Variants in PCDHA9 observed in about 807,000 individuals in gnomAD.
PCDHA9 encodes protocadherin alpha-9.
In PCDHA9, 62 loss-of-function variants were observed where a neutral mutation model predicts 62.0. The observed-to-expected ratio is 1.00, with a 90% CI of 0.81 to 1.23. The LOEUF is 1.23. PCDHA9 is among the 50% of genes most tolerant of loss of function. PCDHA9 has a pLI of 0.00. For missense variants in PCDHA9, 1,205 were observed against 1,249.8 expected (o/e 0.96, Z 0.54); for synonymous variants, 557 against 567.6 (o/e 0.98, Z 0.27).
chr5:140,887,239 G>A (rs1248062448), intron 1 of PCDHA9, among the ~76,000 whole-genome samples: 2 of 151,736 alleles, frequency 1.3e-5, no homozygotes, highest in Admixed American at 6.6e-5. Context: ...TGAGACTACC[G>A]GCGCCCGCCA....
chr5:140,929,679 G>T lies in PCDHA9; in HGVS notation c.2395-49270G>T, dbSNP rs142104946. ...ATTTAAAGTGAAGAATGAAAAATAT[G>T]TAAGAGTCTGCTTTATATGAATATA... On this transcript the variant is annotated intron_variant, in intron 1 of 3. Coordinates refer to ENST00000532602, the MANE Select transcript of PCDHA9 (RefSeq NM_031857.2). 2.7e-3 allele frequency: 822 copies of T among 303,170 alleles called. 4 individuals are homozygous for T. Among genetic ancestry groups the T allele is most frequent in the African/African-American group, 0.017 (768 of 46,460 alleles). The allele number at this position is 303,170 out of a possible 1,614,324, so 18.8% of individuals were successfully genotyped here. A position where few individuals can be genotyped will look rare whatever the true frequency, so the allele number is the denominator to read the frequency against.
chr5:140,971,163 T>C (rs2096460132), intron 1 of PCDHA9, among the ~76,000 whole-genome samples: 1 of 152,180 alleles, frequency 6.6e-6, no homozygotes, highest in Non-Finnish European at 1.5e-5. Flanking sequence ...AGGCTCAGCT[T>C]TGCCACCAGC....
At chr5:140,862,490 G>A (rs1554156448) in intron 1 of PCDHA9, 5 of 385,338 alleles carry the variant, frequency 1.3e-5, no homozygotes, top group Non-Finnish European at 2.1e-5. Context: ...GTTGGTAATC[G>A]CTCGGAATGG....
intron 1 of PCDHA9, among the ~76,000 whole-genome samples, chr5:140,963,050 G>C (rs2095732681): frequency 2.6e-5 from 4 of 152,030 alleles, no homozygotes; most frequent in Admixed American, 2.6e-4. Flanking sequence ...AGTCTATAAG[G>C]GTTTCTACAT....
chr5:140,957,541 A>C (rs2153713960), intron 1 of PCDHA9, among the ~76,000 whole-genome samples: 1 of 152,298 alleles, frequency 6.6e-6, no homozygotes, highest in South Asian at 2.1e-4. Flanking sequence ...GATCTTAGAA[A>C]GTATTCTCTG....
chr5:140,874,195 A>C (rs2054770978), intron 1 of PCDHA9, among the ~76,000 whole-genome samples: 1 of 152,222 alleles, frequency 6.6e-6, no homozygotes, highest in Non-Finnish European at 1.5e-5. Flanking sequence ...GTCATATTTC[A>C]GTTGCCTTTA....
Position 140,883,704 on chromosome 5 carries a change from C to A in PCDHA9, c.2394+32815C>A, listed in dbSNP as rs782488934. The A allele has an allele frequency of 1.9e-5, 31 of 1,613,628 alleles. 1 individual carries two copies. In the Middle Eastern group the frequency reaches 5.0e-4, roughly 26 times the overall value. ...GGCTGCCACATCTTCACGGTGTCTG[C>A]TCAGGACGCGGACGCACAGGAGAAC... On this transcript the variant is annotated intron_variant, in intron 1 of 3. Transcript: ENST00000532602.
intron 1 of PCDHA9, among the ~76,000 whole-genome samples, chr5:140,946,990 C>T (rs181802680): frequency 2.6e-5 from 4 of 151,580 alleles, no homozygotes; most frequent in African/African-American, 9.7e-5. Context: ...TTTGAGTGTT[C>T]TAACTTCAAA....
intron 1 of PCDHA9, chr5:140,928,771 A>C: frequency 6.2e-7 from 1 of 1,613,998 alleles, no homozygotes; most frequent in Non-Finnish European, 8.5e-7. Context: ...AGTTCTTCCC[A>C]CTGATGCAGT....
intron 1 of PCDHA9, among the ~76,000 whole-genome samples, chr5:140,978,620 G>A (rs2096812690): frequency 6.6e-6 from 1 of 152,220 alleles, no homozygotes; most frequent in South Asian, 2.1e-4. Context: ...AGCAGTGAAA[G>A]CTTTTCCTTT....
At chr5:140,981,378 A>G (rs1386165836) in intron 2 of PCDHA9, among the ~76,000 whole-genome samples, 3 of 152,186 alleles carry the variant, frequency 2.0e-5, no homozygotes, top group Non-Finnish European at 4.4e-5. Flanking sequence ...GTTCAAGACC[A>G]GCCTGGTCAA....
At position 140,937,762 on chromosome 5, in the gene PCDHA9, A is replaced by T. The variant is rs955142751; in HGVS notation, c.2395-41187A>T. Among the ~76,000 whole-genome samples, 6 of 151,868 alleles carry T rather than the reference A, an allele frequency of 4.0e-5. No individual in the cohort carries two copies. The South Asian group carries it at 6.2e-4, about 16-fold the overall frequency. On this transcript the variant is annotated intron_variant, in intron 1 of 3. Coordinates refer to ENST00000532602, the MANE Select transcript of PCDHA9 (RefSeq NM_031857.2). ...CCCGTCTCTACTAAAAATACAAAAA[A>T]TTAGTCGGGCGTGGTGGCGGGCGTA... is the stretch of plus-strand genomic sequence containing the variant.
chr5:140,903,180 T>C (rs149488870), intron 1 of PCDHA9, among the ~76,000 whole-genome samples: 1,613 of 152,324 alleles, frequency 0.011, 17 homozygotes, highest in African/African-American at 0.028. Context: ...TTCCCACCAA[T>C]AGTATAAAAG....
chr5:140,928,146 A>G, intron 1 of PCDHA9: 1 of 1,614,222 alleles, frequency 6.2e-7, no homozygotes, highest in African/African-American at 1.3e-5. Flanking sequence ...TCACGGCCTC[A>G]GATAGTGGCT....
chr5:140,900,907 T>C (rs1156878452), intron 1 of PCDHA9, among the ~76,000 whole-genome samples: 1 of 152,190 alleles, frequency 6.6e-6, no homozygotes, highest in African/African-American at 2.4e-5. Context: ...ATTTTAACTG[T>C]GGTAAGATGA....
intron 1 of PCDHA9, among the ~76,000 whole-genome samples, chr5:140,943,553 CAAT>C (rs1554215748): frequency 6.6e-6 from 1 of 152,026 alleles, no homozygotes; most frequent in East Asian, 1.9e-4. Context: ...TAGACGTAGA[CAAT>C]AATCATTTTA....
At chr5:140,869,920 G>GTC in intron 1 of PCDHA9, 1 of 1,611,398 alleles carries the variant, frequency 6.2e-7, no homozygotes, top group Non-Finnish European at 8.5e-7. Context: ...AGACGAAGGA[G>GTC]TCAATGGAGA....
chr5:140,927,670 C>A lies in PCDHA9; in HGVS notation c.2395-51279C>A, dbSNP rs1006141153. ...GTTATTCCGAGTTCAAGCCTTGGATCCAGATGAAGGGTCCAATGGGGAAGT... is the reference window on the plus strand; with the variant it reads ...GTTATTCCGAGTTCAAGCCTTGGATACAGATGAAGGGTCCAATGGGGAAGT... On this transcript the variant is annotated intron_variant, in intron 1 of 3. Transcript: ENST00000532602. 2.5e-6 allele frequency: 4 copies of A among 1,614,166 alleles called. No homozygotes were observed. The highest frequency in any genetic ancestry group is 3.4e-6 in the Non-Finnish European group (4 of 1,180,028).
At chr5:140,875,428 C>T (rs782761347) in intron 1 of PCDHA9, 1 of 1,537,796 alleles carries the variant, frequency 6.5e-7, no homozygotes, top group Non-Finnish European at 8.7e-7. Context: ...GGCAAGCGAT[C>T]CCTTAAAACT....
Sources: gnomAD v4.1 joint callset for allele counts (sites outside exome capture counted in the v4.1 genomes callset) on GRCh38, gnomAD v4.1.1 for gene constraint, MANE v1.5 for transcripts, NCBI Gene and HGNC (gene_info 2026-07-23, HGNC 2026-07-21) for gene names.